PKHD1: variants seen among roughly 807,000 people sequenced by gnomAD.
PKHD1 encodes the protein fibrocystin.
PKHD1 carries 291 observed loss-of-function variants against 412.0 expected under a neutral mutation model. The ratio of observed to expected loss-of-function variants is 0.71; its 90% confidence interval spans 0.64 to 0.78. The LOEUF is 0.78. Ranked by LOEUF, PKHD1 falls within the 30% of genes least tolerant of loss-of-function variation. The probability of loss-of-function intolerance (pLI) is 0.00; values close to 1 mark genes in which losing one functional copy is unlikely to be tolerated. For synonymous variants in PKHD1, 1,777 were observed against 1,821.5 expected, an observed-to-expected ratio of 0.98 and a Z score of 0.62; for missense variants, 4,825 against 4,950.7, an observed-to-expected ratio of 0.97 and a Z score of 0.76.
chr6:51,717,802 G>A (rs915802770), intron 60 of PKHD1, among the ~76,000 whole-genome samples: 3 of 152,250 alleles, frequency 2.0e-5, no homozygotes, highest in African/African-American at 4.8e-5. Flanking sequence ...AGAGTGGAAG[G>A]GACACAGGCA....
chr6:51,628,100 A>G (rs1408991366), intron 65 of PKHD1, among the ~76,000 whole-genome samples: 2 of 152,116 alleles, frequency 1.3e-5, no homozygotes, highest in Non-Finnish European at 2.9e-5. Flanking sequence ...TTTTAGGTTC[A>G]GGGGGTACAT....
chr6:51,641,884 A>G (rs1025478270), intron 63 of PKHD1, among the ~76,000 whole-genome samples: 1 of 152,052 alleles, frequency 6.6e-6, no homozygotes, highest in African/African-American at 2.4e-5. Context: ...ATCACACACT[A>G]GGGCCTGTCA....
chr6:51,762,608 T>C (rs1302485854), intron 55 of PKHD1, among the ~76,000 whole-genome samples: 2 of 151,786 alleles, frequency 1.3e-5, no homozygotes, highest in Non-Finnish European at 2.9e-5. Flanking sequence ...AAAGTTAACA[T>C]GAAACTTTTC....
In PKHD1 at chr6:52,055,711, G is replaced by C; in HGVS notation, c.1712C>G (p.Ser571Cys). Reference sequence around the variant, plus strand: ...CGTCCCACTGGTGAGGTCCCCATCAGAGTTGGAAACTTCTGGGCCTGGATG... The same window carrying C: ...CGTCCCACTGGTGAGGTCCCCATCACAGTTGGAAACTTCTGGGCCTGGATG... ...GFERGPEVSN[S>C]DGDLTSGTEP... Residue 571 changes from serine (S) to cysteine (C), a missense_variant, in exon 19 of 67, where the codon TCT (serine) becomes TGT (cysteine). Transcript: ENST00000371117. 6.2e-7 allele frequency: 1 copy of C among 1,613,914 alleles called. No individual in the cohort carries two copies. The highest frequency in any genetic ancestry group is 2.2e-5 in the East Asian group (1 of 44,880).
intron 21 of PKHD1, among the ~76,000 whole-genome samples, chr6:52,050,664 C>T (rs1806684050): frequency 6.6e-6 from 1 of 152,184 alleles, no homozygotes; most frequent in African/African-American, 2.4e-5. Context: ...CCTGGCAACT[C>T]TAGGGATGTT....
At chr6:51,807,263 C>T (rs9370060) in intron 52 of PKHD1, among the ~76,000 whole-genome samples, 84,397 of 150,516 alleles carry the variant, frequency 0.56, 24,060 homozygotes, top group East Asian at 0.78. Flanking sequence ...CCCATCTCTA[C>T]TTCTCTACTA....
intron 63 of PKHD1, among the ~76,000 whole-genome samples, chr6:51,642,651 C>T (rs1769520018): frequency 6.6e-6 from 1 of 152,072 alleles, no homozygotes; most frequent in Non-Finnish European, 1.5e-5. Context: ...ACCAGCTTGG[C>T]CAACACGGCA....
intron 52 of PKHD1, among the ~76,000 whole-genome samples, chr6:51,827,086 A>C (rs891848280): frequency 6.6e-6 from 1 of 152,164 alleles, no homozygotes; most frequent in Non-Finnish European, 1.5e-5. Flanking sequence ...TTTACCAGTC[A>C]CTTTCATTTT....
At chr6:51,755,799 A>G (rs1786895782) in intron 55 of PKHD1, among the ~76,000 whole-genome samples, 2 of 152,180 alleles carry the variant, frequency 1.3e-5, no homozygotes, top group South Asian at 4.1e-4. Flanking sequence ...AGGGCATTCA[A>G]TCATGCAACC....
intron 49 of PKHD1, among the ~76,000 whole-genome samples, chr6:51,854,689 G>A (rs1772958969): frequency 6.6e-6 from 1 of 152,140 alleles, no homozygotes; most frequent in Admixed American, 6.5e-5. Flanking sequence ...TCAGAGTTAG[G>A]CCCAAAGAGG....
intron 60 of PKHD1, among the ~76,000 whole-genome samples, chr6:51,698,610 T>C (rs1249443434): frequency 6.6e-6 from 1 of 152,110 alleles, no homozygotes. Flanking sequence ...AATCATTTAA[T>C]AAATACATGG....
At chr6:51,916,411 C>T (rs1351229001) in intron 37 of PKHD1, among the ~76,000 whole-genome samples, 1 of 152,072 alleles carries the variant, frequency 6.6e-6, no homozygotes, top group African/African-American at 2.4e-5. Flanking sequence ...TTTATTTTAA[C>T]AGATTGTACA....
intron 5 of PKHD1, among the ~76,000 whole-genome samples, chr6:52,078,849 G>A (rs1811664108): frequency 6.6e-6 from 1 of 152,166 alleles, no homozygotes; most frequent in African/African-American, 2.4e-5. Context: ...ATGATATAAT[G>A]TTTTTTCTTT....
intron 51 of PKHD1, among the ~76,000 whole-genome samples, chr6:51,831,261 A>T (rs543966613): frequency 6.6e-6 from 1 of 152,304 alleles, no homozygotes; most frequent in South Asian, 2.1e-4. Flanking sequence ...ATATTTAAAA[A>T]ATGCAAATAA....
intron 46 of PKHD1, among the ~76,000 whole-genome samples, chr6:51,880,806 A>AAC (rs1777174996): frequency 1.1e-5 from 1 of 93,660 alleles, no homozygotes; most frequent in African/African-American, 3.9e-5. Flanking sequence ...AAAAAAAAAA[A>AAC]ACACAAAAAA....
At chr6:51,868,446 A>G (rs1053782866) in intron 47 of PKHD1, among the ~76,000 whole-genome samples, 6 of 151,084 alleles carry the variant, frequency 4.0e-5, no homozygotes, top group East Asian at 3.9e-4. Context: ...GGCTGTCACA[A>G]TTGGGGAGCT....
intron 8 of PKHD1, 36 bp downstream of exon 8, chr6:52,072,079 C>T (rs752747320): frequency 1.6e-6 from 2 of 1,224,262 alleles, no homozygotes; most frequent in South Asian, 2.4e-5. Context: ...GACGAACTTA[C>T]AAGCATGTGC....
intron 31 of PKHD1, among the ~76,000 whole-genome samples, chr6:52,027,547 A>AAAAG (rs1554200346): frequency 4.0e-5 from 6 of 149,088 alleles, no homozygotes; most frequent in Non-Finnish European, 7.4e-5. Context: ...AAAAAAAAAA[A>AAAAG]AAGAAGAAGA....
intron 60 of PKHD1, among the ~76,000 whole-genome samples, chr6:51,733,209 A>G (rs551251715): frequency 6.6e-6 from 1 of 152,268 alleles, no homozygotes; most frequent in Non-Finnish European, 1.5e-5. Context: ...GCACAATACT[A>G]TGAATGTATT....
Sources: gnomAD v4.1 joint callset for allele counts (sites outside exome capture counted in the v4.1 genomes callset) on GRCh38, gnomAD v4.1.1 for gene constraint, MANE v1.5 for transcripts, NCBI Gene and HGNC (gene_info 2026-07-23, HGNC 2026-07-21) for gene names.